Variants in PRKN observed in about 807,000 individuals in gnomAD.
PRKN encodes the protein E3 ubiquitin-protein ligase parkin.
In PRKN, 56 loss-of-function variants were observed where a neutral mutation model predicts 59.5. The observed-to-expected ratio is 0.94, with a 90% CI of 0.76 to 1.18. The LOEUF is 1.18. PRKN is among the 50% of genes most tolerant of loss of function. The probability of loss-of-function intolerance (pLI) is 0.00; values close to 1 mark genes in which losing one functional copy is unlikely to be tolerated. For synonymous variants in PRKN, 250 were observed against 222.1 expected (o/e 1.13, Z -1.12); for missense variants, 657 against 596.4 (o/e 1.10, Z -1.06).
intron 6 of PRKN, among the ~76,000 whole-genome samples, chr6:161,874,411 T>TA (rs1183271422): frequency 1.2e-5 from 1 of 84,454 alleles, no homozygotes; most frequent in African/African-American, 4.6e-5. Context: ...ATATTATATA[T>TA]AAAATATATA....
chr6:161,847,933 T>C, intron 6 of PRKN, among the ~76,000 whole-genome samples: 1 of 152,208 alleles, frequency 6.6e-6, no homozygotes, highest in East Asian at 1.9e-4. Flanking sequence ...GCTGGTGCTC[T>C]GCACACAGGG....
intron 2 of PRKN, among the ~76,000 whole-genome samples, chr6:162,384,315 G>C (rs1478152156): frequency 1.3e-5 from 2 of 152,140 alleles, no homozygotes; most frequent in African/African-American, 2.4e-5. Flanking sequence ...AGAGGCCACT[G>C]TAGGATTATT....
At chr6:161,734,254 T>C (rs1787875071) in intron 7 of PRKN, among the ~76,000 whole-genome samples, 1 of 152,150 alleles carries the variant, frequency 6.6e-6, no homozygotes, top group Non-Finnish European at 1.5e-5. Flanking sequence ...TACAAAGTCA[T>C]AAGATAACCA....
intron 7 of PRKN, among the ~76,000 whole-genome samples, chr6:161,667,110 C>T (rs1239712195): frequency 6.6e-6 from 1 of 152,232 alleles, no homozygotes; most frequent in Non-Finnish European, 1.5e-5. Context: ...TGCAGAAACA[C>T]TAGTCCCCCT....
chr6:161,686,504 T>A (rs1785561715), intron 7 of PRKN, among the ~76,000 whole-genome samples: 1 of 152,176 alleles, frequency 6.6e-6, no homozygotes. Flanking sequence ...AAACCATAAA[T>A]CACAGAAAAA....
At chr6:162,703,232 A>G (rs1778222441) in intron 1 of PRKN, among the ~76,000 whole-genome samples, 1 of 152,214 alleles carries the variant, frequency 6.6e-6, no homozygotes, top group African/African-American at 2.4e-5. Context: ...TGACATTTAT[A>G]TTTAAAGACT....
At chr6:162,115,445 T>C (rs184213593) in intron 4 of PRKN, among the ~76,000 whole-genome samples, 1,668 of 151,788 alleles carry the variant, frequency 0.011, 30 homozygotes, top group African/African-American at 0.034. Context: ...TGTATACATA[T>C]GTAACTAACC....
intron 6 of PRKN, among the ~76,000 whole-genome samples, chr6:161,851,994 G>A (rs1480165474): frequency 6.6e-6 from 1 of 151,440 alleles, no homozygotes; most frequent in South Asian, 2.1e-4. Flanking sequence ...GGCTGAGGCA[G>A]GAGAATCTCT....
intron 1 of PRKN, among the ~76,000 whole-genome samples, chr6:162,687,711 G>A (rs1777625130): frequency 6.6e-6 from 1 of 152,140 alleles, no homozygotes; most frequent in South Asian, 2.1e-4. Context: ...AGATGTGTAT[G>A]TAAATTTTCC....
intron 1 of PRKN, among the ~76,000 whole-genome samples, chr6:162,538,578 C>A (rs1195977417): frequency 1.1e-4 from 17 of 152,164 alleles, no homozygotes; most frequent in African/African-American, 4.1e-4. Context: ...CCTGCCCAGA[C>A]TGATTCCATG....
At chr6:162,373,456 G>C (rs948413893) in intron 2 of PRKN, among the ~76,000 whole-genome samples, 28 of 152,120 alleles carry the variant, frequency 1.8e-4, no homozygotes, top group African/African-American at 6.8e-4. Flanking sequence ...ACATTAACCA[G>C]AACCCTGAGT....
intron 7 of PRKN, among the ~76,000 whole-genome samples, chr6:161,714,764 T>C (rs898361798): frequency 6.6e-6 from 1 of 152,214 alleles, no homozygotes; most frequent in Non-Finnish European, 1.5e-5. Context: ...GAATGCATTA[T>C]GAAAGAATGA....
At chr6:161,920,503 C>A (rs1297683222) in intron 6 of PRKN, among the ~76,000 whole-genome samples, 2 of 151,890 alleles carry the variant, frequency 1.3e-5, no homozygotes, top group African/African-American at 2.4e-5. Flanking sequence ...AAACATGGTA[C>A]CCCTGGGCCG....
chr6:162,384,981 T>C (rs560089484), intron 2 of PRKN, among the ~76,000 whole-genome samples: 1 of 152,284 alleles, frequency 6.6e-6, no homozygotes, highest in East Asian at 1.9e-4. Context: ...AAGGGGCCTA[T>C]GTTTATATCA....
At chr6:162,600,897 G>A (rs1781681983) in intron 1 of PRKN, among the ~76,000 whole-genome samples, 1 of 103,554 alleles carries the variant, frequency 9.7e-6, no homozygotes, top group South Asian at 3.9e-4. Flanking sequence ...AGAACCATAA[G>A]CCAATTAAAC....
chr6:162,484,728 T>A (rs1583652982), intron 1 of PRKN, among the ~76,000 whole-genome samples: 1 of 152,092 alleles, frequency 6.6e-6, no homozygotes, highest in East Asian at 1.9e-4. Flanking sequence ...TTCTTAGGAG[T>A]CCTGGTCATT....
chr6:161,660,840 T>C lies in PRKN; in HGVS notation c.872-91424A>G, dbSNP rs967560723. 2.6e-5 allele frequency among the ~76,000 whole-genome samples: 4 copies of C among 152,168 alleles called. No individual in the cohort carries two copies. In the East Asian group the frequency reaches 5.8e-4, roughly 22 times the overall value. On this transcript the variant is annotated intron_variant, in intron 7 of 11. Coordinates refer to ENST00000366898, the MANE Select transcript of PRKN (RefSeq NM_004562.3). Reference sequence around the variant, plus strand: ...GTCCTGACTCAGTTTGAACATCCCATTGGATGCTGAATCTCAAACTATTGA... The same window carrying C: ...GTCCTGACTCAGTTTGAACATCCCACTGGATGCTGAATCTCAAACTATTGA...
At position 161,552,824 on chromosome 6, in the gene PRKN, CGTT is replaced by C. The variant is rs1481536420; in HGVS notation, c.934-3824_934-3822del. Among the ~76,000 whole-genome samples, 4 of 144,636 alleles carry C rather than the reference CGTT, an allele frequency of 2.8e-5. No homozygotes were observed. The highest frequency in any genetic ancestry group is 4.4e-4 in the South Asian group (2 of 4,576). 94.9% of individuals were successfully genotyped at this position (144,636 alleles called of 152,430 possible). A position where few individuals can be genotyped will look rare whatever the true frequency, so the allele number is the denominator to read the frequency against. On this transcript the variant is annotated intron_variant, in intron 8 of 11. Coordinates refer to ENST00000366898, the MANE Select transcript of PRKN (RefSeq NM_004562.3). The surrounding 1 kb of genome is among the most constrained non-coding windows in gnomAD (Gnocchi z 4.9). ...TGTTTTTTTTTTTTAGACGGAGTCTCGTTGTTACGCGGCTGGAGTACAGTGGCG... is the reference window on the plus strand; with the variant it reads ...TGTTTTTTTTTTTTAGACGGAGTCTCGTTACGCGGCTGGAGTACAGTGGCG...
intron 1 of PRKN, among the ~76,000 whole-genome samples, chr6:162,640,027 C>T (rs1367795285): frequency 6.6e-6 from 1 of 152,058 alleles, no homozygotes; most frequent in African/African-American, 2.4e-5. Flanking sequence ...TATATATACC[C>T]ATAAATCTGG....
Sources: allele counts gnomAD v4.1 joint callset (sites outside exome capture counted in the v4.1 genomes callset), GRCh38; gene constraint gnomAD v4.1.1; non-coding constraint Gnocchi (gnomAD v3.1); transcripts MANE v1.5; gene names NCBI Gene and HGNC (gene_info 2026-07-23, HGNC 2026-07-21).